Variants in TOP2B observed in about 807,000 individuals in gnomAD.
The protein encoded by TOP2B is DNA topoisomerase 2-beta.
In TOP2B, 51 loss-of-function variants were observed where a neutral mutation model predicts 193.5. The observed-to-expected ratio is 0.26, with a 90% CI of 0.21 to 0.33. TOP2B has a LOEUF of 0.33. Ranked by LOEUF, TOP2B falls within the 10% of genes least tolerant of loss-of-function variation. TOP2B has a pLI of 1.00. For synonymous variants in TOP2B, 634 were observed against 635.7 expected (o/e 1.00, Z 0.04); for missense variants, 1,378 against 1,909.3 (o/e 0.72, Z 5.19).
rs796156697 is a variant in TOP2B, at chr3:25,652,438, T to G, written c.70-6968A>C. On this transcript the variant is annotated intron_variant, in intron 1 of 35. Transcript: ENST00000264331. ...CACATGTTACGTGACAAAACAAGTCTTAACAAACTTAAGAAGACTATAATC... is the reference window on the plus strand; with the variant it reads ...CACATGTTACGTGACAAAACAAGTCGTAACAAACTTAAGAAGACTATAATC... Among the ~76,000 whole-genome samples the G allele has an allele frequency of 4.6e-5, 7 of 152,310 alleles. 1 individual carries two copies. The highest frequency in any genetic ancestry group is 1.7e-4 in the African/African-American group (7 of 41,588).
intron 35 of TOP2B, among the ~76,000 whole-genome samples, chr3:25,599,153 T>G (rs1702019100): frequency 6.6e-6 from 1 of 152,170 alleles, no homozygotes; most frequent in Non-Finnish European, 1.5e-5. Flanking sequence ...AATAATATTT[T>G]AGTCTGAAAG....
Position 25,638,316 on chromosome 3 carries a change from A to G in TOP2B, c.396-6T>C, listed in dbSNP as rs746149755. 2.0e-5 allele frequency: 8 copies of G among 396,994 alleles called. No homozygotes were observed. Among genetic ancestry groups the G allele is most frequent in the Non-Finnish European group, 2.6e-5 (8 of 309,618 alleles). The allele number at this position is 396,994 out of a possible 1,614,324, so 24.6% of individuals were successfully genotyped here. A position where few individuals can be genotyped will look rare whatever the true frequency, so the allele number is the denominator to read the frequency against. On this transcript the variant is annotated splice_region_variant and splice_polypyrimidine_tract_variant and intron_variant, in intron 4 of 35. Coordinates refer to ENST00000264331, the MANE Select transcript of TOP2B (RefSeq NM_001330700.2). ...TGCTTATAATGTTAGATTCACTGTA[A>G]AAAAAAAAAAAAAAAAAAAAAAAAA...
Position 25,664,211 on chromosome 3 carries a change from CG to C in TOP2B, c.69+17del. 2 of 1,539,272 alleles carry C rather than the reference CG, an allele frequency of 1.3e-6. No individual in the cohort carries two copies. ...CCCGGAACAATGCAGCCGCCCGTCCCGGGGACCAGCCACTTACCACCCAGGT... is the reference window on the plus strand; with the variant it reads ...CCCGGAACAATGCAGCCGCCCGTCCCGGGACCAGCCACTTACCACCCAGGT... On this transcript the variant is annotated intron_variant, in intron 1 of 35. Coordinates refer to ENST00000264331, the MANE Select transcript of TOP2B (RefSeq NM_001330700.2).
At chr3:25,615,152 C>T in intron 27 of TOP2B, 53 bp downstream of exon 27, 2 of 1,485,546 alleles carry the variant, frequency 1.3e-6, no homozygotes, top group South Asian at 1.2e-5. Flanking sequence ...GAATTTCATT[C>T]TTGTTCATAA....
At chr3:25,618,937 T>C in intron 23 of TOP2B, 88 bp from the exon 24 acceptor site, 2 of 1,025,064 alleles carry the variant, frequency 2.0e-6, no homozygotes, top group East Asian at 2.7e-5. Flanking sequence ...AAAATAACCA[T>C]AATATATAAC....
intron 27 of TOP2B, among the ~76,000 whole-genome samples, chr3:25,614,580 T>G (rs1353189119): frequency 6.6e-6 from 1 of 151,484 alleles, no homozygotes; most frequent in Admixed American, 6.6e-5. Context: ...ACCACTGAAG[T>G]AAAAGTAGAG....
At position 25,627,171 on chromosome 3, in the gene TOP2B, A is replaced by T. The variant is rs770914615; in HGVS notation, c.2016+16T>A. 6 of 1,571,520 alleles carry T rather than the reference A, an allele frequency of 3.8e-6. No homozygotes were observed. The African/African-American group carries it at 6.8e-5, about 18-fold the overall frequency. Reference sequence around the variant, plus strand: ...GGGATGGCTAACAAAAGCTTTTAAAAAATTAACTTAATTACCAAGGTAATG... The same window carrying T: ...GGGATGGCTAACAAAAGCTTTTAAATAATTAACTTAATTACCAAGGTAATG... On this transcript the variant is annotated intron_variant, in intron 16 of 35. Coordinates refer to ENST00000264331, the MANE Select transcript of TOP2B (RefSeq NM_001330700.2).
chr3:25,612,238 G>A (rs185481064), intron 28 of TOP2B, among the ~76,000 whole-genome samples: 128 of 152,182 alleles, frequency 8.4e-4, no homozygotes, highest in African/African-American at 2.8e-3. Flanking sequence ...CACCGTGCCC[G>A]GCCGGCTTCC....
At chr3:25,613,900 G>A (rs1373371154) in intron 27 of TOP2B, among the ~76,000 whole-genome samples, 1 of 152,032 alleles carries the variant, frequency 6.6e-6, no homozygotes, top group Non-Finnish European at 1.5e-5. Flanking sequence ...CCAAGCTTCA[G>A]GATCCTTATC....
Position 25,656,550 on chromosome 3 carries a change from TG to T in TOP2B, c.69+7678del, listed in dbSNP as rs1703751798. Among the ~76,000 whole-genome samples, 4 of 152,272 alleles carry T rather than the reference TG, an allele frequency of 2.6e-5. No individual in the cohort carries two copies. The South Asian group carries it at 8.3e-4, about 32-fold the overall frequency. On this transcript the variant is annotated intron_variant, in intron 1 of 35. Transcript: ENST00000264331. ...CTATAATTACTATACTAAAAATAAT[TG>T]GTGTTAATCTTTTATTGCTCTAGTT...
At chr3:25,622,362 CTT>C (rs1454885690) in intron 21 of TOP2B, among the ~76,000 whole-genome samples, 1 of 152,040 alleles carries the variant, frequency 6.6e-6, no homozygotes, top group Non-Finnish European at 1.5e-5. Context: ...GAATATATGT[CTT>C]ATTGCTAAAG....
intron 18 of TOP2B, among the ~76,000 whole-genome samples, chr3:25,625,284 T>C (rs1043323943): frequency 6.6e-6 from 1 of 152,230 alleles, no homozygotes; most frequent in African/African-American, 2.4e-5. Context: ...AATCTGTATA[T>C]TCTTCTCAAC....
chr3:25,639,528 G>A (rs919601138), intron 4 of TOP2B, among the ~76,000 whole-genome samples: 3 of 152,134 alleles, frequency 2.0e-5, no homozygotes, highest in Non-Finnish European at 2.9e-5. Flanking sequence ...GGCTGGTCTC[G>A]AACTCCTGAC....
intron 20 of TOP2B, 143 bp from the exon 21 acceptor site, chr3:25,623,889 T>A: frequency 1.6e-6 from 1 of 641,282 alleles, no homozygotes. Flanking sequence ...ATCCGCTTAA[T>A]AATAAAATTT....
chr3:25,624,460 A>G lies in TOP2B; in HGVS notation c.2347-15T>C. 1.2e-6 allele frequency: 2 copies of G among 1,605,786 alleles called. No homozygotes were observed. Among genetic ancestry groups the G allele is most frequent in the Non-Finnish European group, 1.7e-6 (2 of 1,177,038 alleles). ...ATCAATGCTTGCTATACAACAGAAG[A>G]AGGCAGAACATAACATTAATATTCT... is the stretch of plus-strand genomic sequence containing the variant. On this transcript the variant is annotated splice_polypyrimidine_tract_variant and intron_variant, in intron 19 of 35. Coordinates refer to ENST00000264331, the MANE Select transcript of TOP2B (RefSeq NM_001330700.2).
chr3:25,656,318 C>T (rs975757596), intron 1 of TOP2B, among the ~76,000 whole-genome samples: 8 of 151,974 alleles, frequency 5.3e-5, no homozygotes, highest in Non-Finnish European at 1.0e-4. Context: ...CTTATAAAAC[C>T]TAGGGCATGG....
chr3:25,637,952 C>A (rs946478039), intron 5 of TOP2B, among the ~76,000 whole-genome samples: 1 of 151,912 alleles, frequency 6.6e-6, no homozygotes, highest in Non-Finnish European at 1.5e-5. Context: ...AAACTTCCAG[C>A]AGTTCTAACA....
At position 25,623,546 on chromosome 3, in the gene TOP2B, C is replaced by A; in HGVS notation, c.2696G>T (p.Arg899Leu). Residue 899 changes from arginine to leucine, a missense_variant, in exon 21 of 36, where the codon CGA (arginine) becomes CTA (leucine). Physicochemically the swap from Arg to Leu is moderately radical, Grantham distance 102. This residue lies in a region of TOP2B where 379 missense variants were observed against 615.1 expected (regional missense o/e 0.62). Transcript: ENST00000264331. ...DAREIVNNVRRMLDGLDPHPM... is the reference protein window; with the variant it reads ...DAREIVNNVRLMLDGLDPHPM... Reference sequence around the variant, plus strand: ...ATGAGGATCCAGGCCATCTAGCATTCGTCTGACATTGTTCACAATTTCCCT... The same window carrying A: ...ATGAGGATCCAGGCCATCTAGCATTAGTCTGACATTGTTCACAATTTCCCT... 2 of 1,613,924 alleles carry A rather than the reference C, an allele frequency of 1.2e-6. No homozygotes were observed. The highest frequency in any genetic ancestry group is 1.7e-6 in the Non-Finnish European group (2 of 1,179,850).
intron 1 of TOP2B, among the ~76,000 whole-genome samples, chr3:25,647,463 G>GATAATAACCATACAA (rs1246470238): frequency 5.5e-4 from 84 of 152,180 alleles, no homozygotes; most frequent in African/African-American, 1.9e-3. Context: ...GAAGACACAT[G>GATAATAACCATACAA]ATAACCATAC....
Sources: allele counts gnomAD v4.1 joint callset (sites outside exome capture counted in the v4.1 genomes callset), GRCh38; gene constraint gnomAD v4.1.1; regional missense constraint gnomAD v4.1.1; transcripts MANE v1.5; gene names NCBI Gene and HGNC (gene_info 2026-07-23, HGNC 2026-07-21).